Variants in HCRTR2 observed in about 807,000 individuals in gnomAD.
The protein encoded by HCRTR2 is hypocretin receptor 2, also known as orexin receptor type 2.
In HCRTR2, 22 loss-of-function variants were observed where a neutral mutation model predicts 49.0. That is an observed-to-expected ratio of 0.45 (90% CI 0.32 to 0.64). The LOEUF is 0.64. Among genes scored for constraint, HCRTR2 ranks in the 30% least tolerant of loss-of-function variants. HCRTR2 has a pLI of 0.04. For missense variants in HCRTR2, 491 were observed against 559.4 expected, an observed-to-expected ratio of 0.88 and a Z score of 1.23; for synonymous variants, 236 against 205.3, an observed-to-expected ratio of 1.15 and a Z score of -1.28.
At chr6:55,258,333 G>GA (rs1305544822) in intron 3 of HCRTR2, among the ~76,000 whole-genome samples, 2 of 152,020 alleles carry the variant, frequency 1.3e-5, no homozygotes, top group Admixed American at 6.6e-5. Context: ...TGTGGCAGTG[G>GA]AAAAAAATTT....
downstream of HCRTR2, among the ~76,000 whole-genome samples, chr6:55,283,095 C>T (rs955620429): frequency 9.2e-5 from 14 of 152,174 alleles, no homozygotes; most frequent in Admixed American, 3.9e-4. Context: ...GACTCTATCA[C>T]AGTAAAAGTT....
intron 1 of HCRTR2, among the ~76,000 whole-genome samples, chr6:55,225,458 G>A (rs1470193337): frequency 6.6e-6 from 1 of 152,038 alleles, no homozygotes; most frequent in African/African-American, 2.4e-5. Flanking sequence ...ACCATATGGT[G>A]ATACAAAGGC....
intron 1 of HCRTR2, among the ~76,000 whole-genome samples, chr6:55,147,319 T>C (rs1054674471): frequency 6.6e-6 from 1 of 152,194 alleles, no homozygotes; most frequent in African/African-American, 2.4e-5. Flanking sequence ...TGTTACTCTT[T>C]CTAGTGAATG....
intron 4 of HCRTR2, among the ~76,000 whole-genome samples, chr6:55,276,499 G>C (rs1199250619): frequency 2.0e-5 from 3 of 152,230 alleles, no homozygotes; most frequent in East Asian, 3.9e-4. Flanking sequence ...CAGAGCTAAG[G>C]TGGCCTTTTC....
intron 1 of HCRTR2, among the ~76,000 whole-genome samples, chr6:55,192,439 A>ACAC (rs1581819854): frequency 6.6e-6 from 1 of 151,402 alleles, no homozygotes; most frequent in African/African-American, 2.4e-5. Flanking sequence ...ACACACACAC[A>ACAC]AATTAGCTGG....
chr6:55,173,384 A>C (rs1238335413), upstream of HCRTR2, among the ~76,000 whole-genome samples: 1 of 152,218 alleles, frequency 6.6e-6, no homozygotes, highest in Non-Finnish European at 1.5e-5. Context: ...GCTGAAGTTC[A>C]GACAAGATTT....
intron 1 of HCRTR2, among the ~76,000 whole-genome samples, chr6:55,167,689 C>T (rs1289001922): frequency 6.6e-6 from 1 of 152,100 alleles, no homozygotes; most frequent in Non-Finnish European, 1.5e-5. Flanking sequence ...TCCCCAGATC[C>T]CACCCTTCAG....
intron 1 of HCRTR2, among the ~76,000 whole-genome samples, chr6:55,168,203 G>A (rs1377586188): frequency 6.6e-6 from 1 of 152,176 alleles, no homozygotes; most frequent in African/African-American, 2.4e-5. Context: ...TCAGAGAATA[G>A]AGAAGGAGAT....
intron 1 of HCRTR2, among the ~76,000 whole-genome samples, chr6:55,131,487 C>T (rs950041406): frequency 1.3e-5 from 2 of 151,696 alleles, no homozygotes; most frequent in Non-Finnish European, 3.0e-5. Context: ...CTCCTAAATT[C>T]CTGCAATTAC....
intron 1 of HCRTR2, among the ~76,000 whole-genome samples, chr6:55,136,535 A>G (rs1201066813): frequency 6.6e-6 from 1 of 152,128 alleles, no homozygotes; most frequent in Non-Finnish European, 1.5e-5. Flanking sequence ...TTACAGAATA[A>G]CTCTGCGTAC....
At chr6:55,252,458 A>G (rs1766567983) in intron 2 of HCRTR2, among the ~76,000 whole-genome samples, 2 of 152,104 alleles carry the variant, frequency 1.3e-5, no homozygotes, top group Admixed American at 1.3e-4. Context: ...GCTAGAGAGG[A>G]TTGATATATC....
chr6:55,107,445 T>C (rs1738726381), intron 1 of HCRTR2, among the ~76,000 whole-genome samples: 1 of 152,122 alleles, frequency 6.6e-6, no homozygotes, highest in South Asian at 2.1e-4. Flanking sequence ...TCTCTGTCTC[T>C]TTTCAATATA....
chr6:55,188,901 G>A (rs1197620173), intron 1 of HCRTR2, among the ~76,000 whole-genome samples: 6 of 152,156 alleles, frequency 3.9e-5, no homozygotes, highest in Admixed American at 6.5e-5. Flanking sequence ...ATGTGAATAC[G>A]ATTTTGAAAA....
At chr6:55,250,850 T>C (rs1339306541) in intron 2 of HCRTR2, among the ~76,000 whole-genome samples, 1 of 152,066 alleles carries the variant, frequency 6.6e-6, no homozygotes, top group South Asian at 2.1e-4. Flanking sequence ...CTGCTCCTCT[T>C]CTCCATAGAG....
intron 1 of HCRTR2, among the ~76,000 whole-genome samples, chr6:55,226,099 C>T (rs941091033): frequency 6.6e-6 from 1 of 152,126 alleles, no homozygotes; most frequent in Non-Finnish European, 1.5e-5. Flanking sequence ...GTAAGAGCAG[C>T]TTTTATAAAA....
intron 3 of HCRTR2, among the ~76,000 whole-genome samples, chr6:55,261,340 G>A (rs1473386489): frequency 6.6e-6 from 1 of 152,088 alleles, no homozygotes; most frequent in Non-Finnish European, 1.5e-5. Context: ...ATGAAAAAAT[G>A]TTCAGTATCA....
chr6:55,207,679 C>G (rs1279147826), intron 1 of HCRTR2, among the ~76,000 whole-genome samples: 1 of 152,104 alleles, frequency 6.6e-6, no homozygotes, highest in East Asian at 1.9e-4. Flanking sequence ...CTCCTAAACA[C>G]TTCAAATGTT....
chr6:55,110,657 G>C (rs1322252475), intron 1 of HCRTR2, among the ~76,000 whole-genome samples: 1 of 151,756 alleles, frequency 6.6e-6, no homozygotes, highest in Non-Finnish European at 1.5e-5. Flanking sequence ...AAGATAAAAG[G>C]TATAGTGCAA....
At chr6:55,205,548 A>C (rs929225436) in intron 1 of HCRTR2, among the ~76,000 whole-genome samples, 1 of 152,162 alleles carries the variant, frequency 6.6e-6, no homozygotes, top group African/African-American at 2.4e-5. Flanking sequence ...AAAGATGCAG[A>C]AAGTAAGTAG....
Sources: gnomAD v4.1 joint callset for allele counts (sites outside exome capture counted in the v4.1 genomes callset) on GRCh38, gnomAD v4.1.1 for gene constraint, MANE v1.5 for transcripts, NCBI Gene and HGNC (gene_info 2026-07-23, HGNC 2026-07-21) for gene names.